TSC22D3: variants seen among roughly 807,000 people sequenced by gnomAD.
TSC22D3 encodes TSC22 domain family protein 3.
A neutral mutation model predicts 11.1 loss-of-function variants in TSC22D3; 4 were observed. The observed-to-expected ratio is 0.36, with a 90% CI of 0.18 to 0.83. TSC22D3 has a LOEUF of 0.83. TSC22D3 is among the 40% of genes least tolerant of loss of function. The pLI, the probability that TSC22D3 is intolerant of heterozygous loss-of-function variation, is 0.48. For synonymous variants in TSC22D3, 77 were observed against 70.3 expected (o/e 1.10, Z -0.48); for missense variants, 118 against 159.4 (o/e 0.74, Z 1.40).
intron 1 of TSC22D3, among the ~76,000 whole-genome samples, chrX:107,766,439 G>C (rs1423393415): frequency 9.5e-6 from 1 of 104,893 alleles, no homozygotes; most frequent in African/African-American, 3.7e-5. Context: ...GTGTCAGTCA[G>C]CCTGGAGTTT....
chrX:107,755,713 C>T (rs1013993390), intron 1 of TSC22D3, among the ~76,000 whole-genome samples: 11 of 112,441 alleles, frequency 9.8e-5, no homozygotes, highest in Admixed American at 1.9e-4. Flanking sequence ...GTGAAATTGC[C>T]ACAGTGACAT....
At chrX:107,774,773 C>G in intron 1 of TSC22D3, 1 of 300,152 alleles carries the variant, frequency 3.3e-6, no homozygotes, top group Non-Finnish European at 5.9e-6. Context: ...GGCAGAATCT[C>G]CAAAGGGGCT....
In TSC22D3 at chrX:107,775,137, C is replaced by G; in HGVS notation, c.283G>C (p.Asp95His). 1 of 1,211,874 alleles carries G rather than the reference C, an allele frequency of 8.3e-7. No individual in the cohort carries two copies. Among genetic ancestry groups the G allele is most frequent in the Non-Finnish European group, 1.1e-6 (1 of 895,555 alleles). ...AGCAGGATGGAGAGCATGGTCTGGTCGATGTTGCGGTTGCAGATGCCCTCG... is the reference window on the plus strand; with the variant it reads ...AGCAGGATGGAGAGCATGGTCTGGTGGATGTTGCGGTTGCAGATGCCCTCG... Reference protein sequence around the residue: ...INEGICNRNIDQTMLSILLFF... With the variant: ...INEGICNRNIHQTMLSILLFF... Residue 95 changes from aspartate to histidine, a missense_variant, in exon 1 of 3, where the codon GAC becomes CAC. By Grantham distance (81) the Asp-to-His change is moderately conservative. Coordinates refer to ENST00000372383, the MANE Select transcript of TSC22D3 (RefSeq NM_198057.3).
intron 1 of TSC22D3, among the ~76,000 whole-genome samples, chrX:107,732,209 C>G (rs755504333): frequency 3.7e-5 from 4 of 108,041 alleles, no homozygotes; most frequent in African/African-American, 1.4e-4. Flanking sequence ...CCACTGCCCT[C>G]CCCTCCCCTC....
intron 1 of TSC22D3, among the ~76,000 whole-genome samples, chrX:107,727,493 T>C (rs895423774): frequency 1.6e-4 from 18 of 111,719 alleles, no homozygotes; most frequent in Non-Finnish European, 3.2e-4. Context: ...AACAAATCAT[T>C]TTATTTATTT....
chrX:107,761,805 A>G (rs534031399), intron 1 of TSC22D3, among the ~76,000 whole-genome samples: 2 of 112,108 alleles, frequency 1.8e-5, no homozygotes, highest in East Asian at 2.8e-4. Flanking sequence ...CAAAATCCAC[A>G]TCTTAGGGCA....
chrX:107,733,320 C>A (rs920058662), intron 1 of TSC22D3, among the ~76,000 whole-genome samples: 2 of 111,834 alleles, frequency 1.8e-5, no homozygotes, highest in African/African-American at 6.5e-5. Flanking sequence ...CATGGCAAGA[C>A]CCTGGACAAA....
intron 2 of TSC22D3, 59 bp downstream of exon 2, chrX:107,715,840 A>G: frequency 8.5e-7 from 1 of 1,181,310 alleles, no homozygotes; most frequent in Non-Finnish European, 1.2e-6. Context: ...AATCCTGCCC[A>G]GAGTTACATA....
At chrX:107,722,927 A>G (rs1327921760) in intron 1 of TSC22D3, among the ~76,000 whole-genome samples, 2 of 112,286 alleles carry the variant, frequency 1.8e-5, no homozygotes, top group Non-Finnish European at 3.8e-5. Context: ...GTAAATTGGC[A>G]GTACAAATCC....
At chrX:107,740,513 C>T (rs12837895) in intron 1 of TSC22D3, among the ~76,000 whole-genome samples, 5,598 of 110,056 alleles carry the variant, frequency 0.051, 152 homozygotes, top group Middle Eastern at 0.2. Context: ...ACCCGGGAGG[C>T]GGAGGTTGCA....
Position 107,714,158 on chromosome X carries a change from A to T in TSC22D3, c.*361T>A, listed in dbSNP as rs1469337402. On this transcript the variant is annotated 3_prime_UTR_variant, in exon 3 of 3. Coordinates refer to ENST00000372383, the MANE Select transcript of TSC22D3 (RefSeq NM_198057.3). Reference sequence around the variant, plus strand: ...GCTGTTGAAGATGTCCATGGAGATGAGAAACAGACCCCTTAAACTTTCTGG... The same window carrying T: ...GCTGTTGAAGATGTCCATGGAGATGTGAAACAGACCCCTTAAACTTTCTGG... 1 of 161,248 alleles carries T rather than the reference A, an allele frequency of 6.2e-6. No homozygotes were observed. The highest frequency in any genetic ancestry group is 3.0e-5 in the African/African-American group (1 of 32,863). The allele number at this position is 161,248 out of a possible 1,213,427, so 13.3% of individuals were successfully genotyped here.
chrX:107,731,360 G>A (rs747820972), intron 1 of TSC22D3, among the ~76,000 whole-genome samples: 2 of 111,922 alleles, frequency 1.8e-5, no homozygotes, highest in African/African-American at 6.5e-5. Context: ...GTTCTGGCCT[G>A]AGTTTGCCCC....
intron 1 of TSC22D3, among the ~76,000 whole-genome samples, chrX:107,750,624 C>T (rs1430007261): frequency 9.0e-6 from 1 of 111,276 alleles, no homozygotes; most frequent in Admixed American, 9.6e-5. Flanking sequence ...CGGCTGAGAA[C>T]AGCTCCCTCA....
chrX:107,769,085 C>T (rs1350759453), intron 1 of TSC22D3, among the ~76,000 whole-genome samples: 1 of 112,522 alleles, frequency 8.9e-6, no homozygotes, highest in Non-Finnish European at 1.9e-5. Context: ...GTGTTGACTA[C>T]GAGCAGTAGA....
At chrX:107,755,113 AAAGTTC>A (rs1929115306) in intron 1 of TSC22D3, among the ~76,000 whole-genome samples, 2 of 112,367 alleles carry the variant, frequency 1.8e-5, no homozygotes, top group Non-Finnish European at 3.8e-5. Flanking sequence ...TGGAGAAATG[AAAGTTC>A]AAACTTTTTT....
intron 1 of TSC22D3, among the ~76,000 whole-genome samples, chrX:107,772,321 C>T (rs1164833662): frequency 1.8e-5 from 2 of 111,587 alleles, no homozygotes; most frequent in African/African-American, 6.5e-5. Context: ...CCTGAAATGT[C>T]AAATCATTAA....
rs770597017 is a variant in TSC22D3 at position 107,726,177 on chromosome X, T to G, written c.321-10227A>C. Among the ~76,000 whole-genome samples the G allele has an allele frequency of 3.6e-5, 4 of 112,403 alleles. No individual in the cohort carries two copies. The East Asian group carries it at 1.1e-3, about 31-fold the overall frequency. ...TCCCTGGCAACAAGGCCATCTCCCC[T>G]GCTCGCTGACTCCCCTCTCCAAGGG... On this transcript the variant is annotated intron_variant, in intron 1 of 2. Transcript: ENST00000372383.
At chrX:107,754,115 T>G (rs1272317130) in intron 1 of TSC22D3, among the ~76,000 whole-genome samples, 1 of 110,529 alleles carries the variant, frequency 9.0e-6, no homozygotes, top group Non-Finnish European at 1.9e-5. Flanking sequence ...AGACGGGGAT[T>G]TCACTATGTT....
chrX:107,716,652 C>T (rs1159179123), intron 1 of TSC22D3: 6 of 1,186,321 alleles, frequency 5.1e-6, no homozygotes, highest in Non-Finnish European at 6.8e-6. Context: ...GGCCGGCGCC[C>T]CGGCTCGGGA....
Sources: allele counts gnomAD v4.1 joint callset (sites outside exome capture counted in the v4.1 genomes callset), GRCh38; gene constraint gnomAD v4.1.1; transcripts MANE v1.5; gene names NCBI Gene and HGNC (gene_info 2026-07-23, HGNC 2026-07-21).